The following ARFGEF1 variants were observed in gnomAD, a reference collection of about 807,000 sequenced individuals.
ARFGEF1 encodes ARF guanine nucleotide exchange factor 1, also known as brefeldin A-inhibited guanine nucleotide-exchange protein 1.
ARFGEF1 carries 42 observed loss-of-function variants against 231.0 expected under a neutral mutation model. The ratio of observed to expected loss-of-function variants is 0.18; its 90% confidence interval spans 0.14 to 0.24. The LOEUF (loss-of-function observed/expected upper bound fraction) is 0.24. ARFGEF1 is among the 10% of genes least tolerant of loss of function. The pLI is 1.00. For missense variants in ARFGEF1, 1,345 were observed against 2,192.0 expected (o/e 0.61, Z 7.72); for synonymous variants, 710 against 732.3 (o/e 0.97, Z 0.49).
At chr8:67,212,160 G>A (rs897037699) in intron 33 of ARFGEF1, among the ~76,000 whole-genome samples, 3 of 152,112 alleles carry the variant, frequency 2.0e-5, no homozygotes, top group South Asian at 2.1e-4. Context: ...TCGGCTCACC[G>A]TGACCTCTAC....
At chr8:67,260,071 T>G (rs1196499395) in intron 14 of ARFGEF1, 145 bp from the exon 15 acceptor site, 1 of 422,144 alleles carries the variant, frequency 2.4e-6, no homozygotes. Flanking sequence ...ACAAAATAAT[T>G]ACATTGTGCC....
chr8:67,336,641 T>C (rs1258414394), intron 1 of ARFGEF1, among the ~76,000 whole-genome samples: 6 of 152,164 alleles, frequency 3.9e-5, no homozygotes, highest in Non-Finnish European at 8.8e-5. Context: ...CTTTTTCCTT[T>C]GTATGTGACT....
At chr8:67,279,378 C>T (rs1461347811) in intron 7 of ARFGEF1, among the ~76,000 whole-genome samples, 1 of 152,134 alleles carries the variant, frequency 6.6e-6, no homozygotes, top group East Asian at 1.9e-4. Flanking sequence ...CTCTTCCTGC[C>T]TTCAACAGTA....
intron 1 of ARFGEF1, among the ~76,000 whole-genome samples, chr8:67,327,319 CT>C (rs140446436): frequency 2.3e-3 from 306 of 133,998 alleles, no homozygotes; most frequent in Middle Eastern, 3.7e-3. Context: ...TGACGTACGT[CT>C]TTTTTTTTTT....
At position 67,306,011 on chromosome 8, in the gene ARFGEF1, A is replaced by C. The variant is rs117688763; in HGVS notation, c.125-3545T>G. ...TTCTTCATAATTTCACAGACAGAAG[A>C]TTCTTTCTTACTACAAATCTTAGTA... is the stretch of plus-strand genomic sequence containing the variant. On this transcript the variant is annotated intron_variant, in intron 1 of 38. Coordinates refer to ENST00000262215, the MANE Select transcript of ARFGEF1 (RefSeq NM_006421.5). Among the ~76,000 whole-genome samples the C allele has an allele frequency of 3.5e-3, 539 of 152,332 alleles. 3 individuals carry two copies. The highest frequency in any genetic ancestry group is 0.017 in the Middle Eastern group (5 of 294).
intron 1 of ARFGEF1, among the ~76,000 whole-genome samples, chr8:67,325,828 A>G (rs977016578): frequency 6.6e-6 from 1 of 152,224 alleles, no homozygotes; most frequent in Non-Finnish European, 1.5e-5. Context: ...AGTTTTAATC[A>G]AGTTATAATG....
At position 67,206,410 on chromosome 8, in the gene ARFGEF1, TAAAAAAA is replaced by T. The variant is rs747164390; in HGVS notation, c.4820-1598_4820-1592del. 2.3e-3 allele frequency among the ~76,000 whole-genome samples: 239 copies of T among 102,040 alleles called. 2 individuals are homozygous for T. Among genetic ancestry groups the T allele is most frequent in the African/African-American group, 7.4e-3 (189 of 25,494 alleles). 66.9% of individuals were successfully genotyped at this position (102,040 alleles called of 152,430 possible). A position where few individuals can be genotyped will look rare whatever the true frequency, so the allele number is the denominator to read the frequency against. On this transcript the variant is annotated intron_variant, in intron 34 of 38. Coordinates refer to ENST00000262215, the MANE Select transcript of ARFGEF1 (RefSeq NM_006421.5). ...GGGCAACAGAGCCAGATTTTATCTT[TAAAAAAA>T]AAAAAAAAAAAAAAAAAGTTAAGCT...
At chr8:67,311,988 T>A (rs532850578) in intron 1 of ARFGEF1, among the ~76,000 whole-genome samples, 2 of 152,234 alleles carry the variant, frequency 1.3e-5, no homozygotes, top group Admixed American at 6.5e-5. Flanking sequence ...CAGGGTTAAA[T>A]GGATTAAGGG....
downstream of ARFGEF1, chr8:67,175,288 T>TA: frequency 6.2e-7 from 1 of 1,600,440 alleles, no homozygotes; most frequent in Non-Finnish European, 8.5e-7. Context: ...ACATATTTTT[T>TA]ATACCAGATT....
At chr8:67,336,404 T>G (rs1446092580) in intron 1 of ARFGEF1, among the ~76,000 whole-genome samples, 1 of 152,220 alleles carries the variant, frequency 6.6e-6, no homozygotes, top group Admixed American at 6.5e-5. Context: ...GAACTTGCAT[T>G]CATTTCCTAA....
At position 67,301,217 on chromosome 8, in the gene ARFGEF1, G is replaced by C; in HGVS notation, c.312+7C>G. ...ACAGTTTTTAGAAAGTGCCATTTTAGACATACCTGTAAGCAATCTAGAGAT... is the reference window on the plus strand; with the variant it reads ...ACAGTTTTTAGAAAGTGCCATTTTACACATACCTGTAAGCAATCTAGAGAT... On this transcript the variant is annotated splice_region_variant and intron_variant, in intron 3 of 38. Coordinates refer to ENST00000262215, the MANE Select transcript of ARFGEF1 (RefSeq NM_006421.5). The C allele has an allele frequency of 6.3e-7, 1 of 1,592,352 alleles. No homozygotes were observed. The highest frequency in any genetic ancestry group is 1.2e-5 in the South Asian group (1 of 86,896).
At chr8:67,276,256 T>C (rs1805308901) in intron 8 of ARFGEF1, 147 bp from the exon 9 acceptor site, 2 of 808,940 alleles carry the variant, frequency 2.5e-6, no homozygotes, top group African/African-American at 1.7e-5. Flanking sequence ...ATCTGCCACG[T>C]TGTTTTTCTT....
chr8:67,258,431 TCTCCTGC>T (rs1840531832), intron 15 of ARFGEF1, 141 bp from the exon 16 acceptor site: 2 of 597,920 alleles, frequency 3.3e-6, no homozygotes, highest in Admixed American at 3.1e-5. Context: ...TTCAAGCGAT[TCTCCTGC>T]CTCGGCCTCC....
rs1208794205 is a variant in ARFGEF1, at chr8:67,179,595, GAGTGGAGCT to G, written c.561-4032_561-4024del. Among the ~76,000 whole-genome samples the G allele has an allele frequency of 3.3e-5, 5 of 152,330 alleles. No individual in the cohort carries two copies. The Middle Eastern group carries it at 0.01, about 311-fold the overall frequency. On this transcript the variant is annotated intron_variant, in intron 5 of 5. Coordinates refer to the ARFGEF1 transcript ENST00000518789. ...ACTTCAACCATAAAGGGGCAGGAAG[GAGTGGAGCT>G]AGGGAGTAAATGTGTTAGCTTGTAG...
chr8:67,208,060 C>T (rs1255186806), intron 34 of ARFGEF1, among the ~76,000 whole-genome samples: 2 of 152,160 alleles, frequency 1.3e-5, no homozygotes, highest in Admixed American at 6.5e-5. Context: ...AAAAGCCACT[C>T]GCTATTCTTT....
At chr8:67,310,450 C>A (rs890774639) in intron 1 of ARFGEF1, among the ~76,000 whole-genome samples, 1 of 152,184 alleles carries the variant, frequency 6.6e-6, no homozygotes, top group Non-Finnish European at 1.5e-5. Flanking sequence ...CTCGCTACAA[C>A]CTACACCTCC....
chr8:67,215,706 G>A (rs1447771006), intron 33 of ARFGEF1, among the ~76,000 whole-genome samples: 1 of 152,176 alleles, frequency 6.6e-6, no homozygotes, highest in African/African-American at 2.4e-5. Context: ...TTCTCCCTTA[G>A]AGCCTTTGGA....
chr8:67,193,413 T>C (rs373568814), downstream of ARFGEF1: 11 of 1,555,026 alleles, frequency 7.1e-6, no homozygotes, highest in East Asian at 2.3e-5. Flanking sequence ...CACTGATTTG[T>C]GAACATATTT....
intron 6 of ARFGEF1, among the ~76,000 whole-genome samples, chr8:67,290,807 C>T (rs963827886): frequency 6.6e-6 from 1 of 152,140 alleles, no homozygotes; most frequent in Non-Finnish European, 1.5e-5. Flanking sequence ...TCACTATTAG[C>T]TTCAGTACTA....
Sources: gnomAD v4.1 joint callset for allele counts (sites outside exome capture counted in the v4.1 genomes callset) on GRCh38, gnomAD v4.1.1 for gene constraint, MANE v1.5 for transcripts, NCBI Gene and HGNC (gene_info 2026-07-23, HGNC 2026-07-21) for gene names.